Variants in ADAM9 observed in about 807,000 individuals in gnomAD.
ADAM9 encodes disintegrin and metalloproteinase domain-containing protein 9.
ADAM9 carries 54 observed loss-of-function variants against 108.1 expected under a neutral mutation model. The ratio of observed to expected loss-of-function variants is 0.50; its 90% CI spans 0.40 to 0.63. The LOEUF (loss-of-function observed/expected upper bound fraction) is 0.63. Ranked by LOEUF, ADAM9 falls within the 20% of genes least tolerant of loss-of-function variation. The pLI is 0.00. For synonymous variants in ADAM9, 316 were observed against 336.0 expected (o/e 0.94, Z 0.65); for missense variants, 830 against 997.7 (o/e 0.83, Z 2.26).
intron 1 of ADAM9, among the ~76,000 whole-genome samples, chr8:39,000,283 C>T (rs968841134): frequency 1.3e-5 from 2 of 152,152 alleles, no homozygotes; most frequent in Non-Finnish European, 2.9e-5. Context: ...TGAGCCACCG[C>T]GCCCCAGCCT....
chr8:39,023,148 C>T lies in ADAM9; in HGVS notation c.745-8C>T. On this transcript the variant is annotated splice_polypyrimidine_tract_variant and splice_region_variant and intron_variant, in intron 8 of 21. Coordinates refer to ENST00000487273, the MANE Select transcript of ADAM9 (RefSeq NM_003816.3). ...ATATTTTATATACTTTTATTTCTTTCTTCCCAGATGTATATTATGTTAAAT... is the reference window on the plus strand; with the variant it reads ...ATATTTTATATACTTTTATTTCTTTTTTCCCAGATGTATATTATGTTAAAT... 6.2e-7 allele frequency: 1 copy of T among 1,606,118 alleles called. No homozygotes were observed. Among genetic ancestry groups the T allele is most frequent in the Non-Finnish European group, 8.5e-7 (1 of 1,173,954 alleles).
chr8:39,014,378 T>G (rs1836457153), intron 4 of ADAM9: 3 of 551,336 alleles, frequency 5.4e-6, no homozygotes, highest in Non-Finnish European at 6.4e-6. Context: ...TCTCTAAAAG[T>G]GCACTTATTA....
At chr8:38,999,230 A>C (rs1835922986) in intron 1 of ADAM9, among the ~76,000 whole-genome samples, 1 of 152,170 alleles carries the variant, frequency 6.6e-6, no homozygotes. Flanking sequence ...CAGTTACATT[A>C]GGAGTTAATT....
At chr8:39,028,579 T>G (rs1245115463) in intron 11 of ADAM9, among the ~76,000 whole-genome samples, 1 of 152,132 alleles carries the variant, frequency 6.6e-6, no homozygotes, top group Non-Finnish European at 1.5e-5. Context: ...TATGAAACAG[T>G]GCCATAGTGG....
At chr8:39,039,661 C>G (rs997051473) in intron 11 of ADAM9, among the ~76,000 whole-genome samples, 19 of 152,060 alleles carry the variant, frequency 1.2e-4, no homozygotes, top group African/African-American at 3.6e-4. Flanking sequence ...CTTTTTCTGT[C>G]TGGCTTGCTT....
chr8:38,997,487 G>A (rs939838318), intron 1 of ADAM9, among the ~76,000 whole-genome samples: 1 of 152,218 alleles, frequency 6.6e-6, no homozygotes, highest in African/African-American at 2.4e-5. Flanking sequence ...CTCTGGGGCG[G>A]GCGCTGACCT....
At chr8:39,066,449 T>C (rs554821128) in intron 14 of ADAM9, among the ~76,000 whole-genome samples, 5 of 152,366 alleles carry the variant, frequency 3.3e-5, no homozygotes, top group Admixed American at 3.3e-4. Context: ...CCATTCTAAA[T>C]GGCGTGAGAT....
chr8:39,003,574 AG>A (rs1468351267), intron 1 of ADAM9, among the ~76,000 whole-genome samples: 2 of 152,104 alleles, frequency 1.3e-5, no homozygotes, highest in Non-Finnish European at 2.9e-5. Flanking sequence ...CCTAGAGATA[AG>A]AAAGGAATTT....
At chr8:39,032,509 T>C (rs2129435104) in intron 11 of ADAM9, among the ~76,000 whole-genome samples, 1 of 152,396 alleles carries the variant, frequency 6.6e-6, no homozygotes, top group Admixed American at 6.5e-5. Flanking sequence ...GTGTGCTGTT[T>C]GCTAAGACCA....
intron 11 of ADAM9, among the ~76,000 whole-genome samples, chr8:39,032,398 C>T (rs963958239): frequency 2.0e-5 from 3 of 152,278 alleles, no homozygotes; most frequent in African/African-American, 7.2e-5. Flanking sequence ...CTCCCCCTGC[C>T]AGGCTGCTGC....
chr8:39,079,480 T>C (rs1838952175), intron 16 of ADAM9, among the ~76,000 whole-genome samples: 1 of 152,208 alleles, frequency 6.6e-6, no homozygotes, highest in East Asian at 1.9e-4. Flanking sequence ...TCTTTTTCTA[T>C]TAGCTTGCCA....
At chr8:39,004,789 T>G (rs1048529935) in intron 1 of ADAM9, among the ~76,000 whole-genome samples, 1 of 152,198 alleles carries the variant, frequency 6.6e-6, no homozygotes, top group Non-Finnish European at 1.5e-5. Context: ...TAAACTGTCA[T>G]GGTGCTGGTG....
intron 11 of ADAM9, among the ~76,000 whole-genome samples, chr8:39,033,003 A>G (rs190108851): frequency 1.1e-3 from 170 of 152,344 alleles, no homozygotes; most frequent in African/African-American, 3.9e-3. Context: ...CATTGAATGT[A>G]TAGATCAAGT....
intron 12 of ADAM9, among the ~76,000 whole-genome samples, chr8:39,047,139 A>G (rs544275372): frequency 4.5e-4 from 68 of 152,318 alleles, no homozygotes; most frequent in Non-Finnish European, 6.2e-4. Context: ...TTTATACCCA[A>G]GGATAAATTC....
chr8:39,099,506 C>T (rs1401097629), intron 20 of ADAM9, among the ~76,000 whole-genome samples: 1 of 152,118 alleles, frequency 6.6e-6, no homozygotes, highest in Non-Finnish European at 1.5e-5. Flanking sequence ...TTTTTAATAA[C>T]CGCATGCTGT....
chr8:39,020,101 C>T lies in ADAM9; in HGVS notation c.672+1183C>T, dbSNP rs948528456. On this transcript the variant is annotated intron_variant, in intron 7 of 21. Transcript: ENST00000487273. ...GAGATTGATACCATCCTGGCTAACA[C>T]GGTGAAATCCCATCTCTCCTAAAAA... 4.6e-5 allele frequency among the ~76,000 whole-genome samples: 7 copies of T among 152,230 alleles called. No individual in the cohort carries two copies. The South Asian group carries it at 6.2e-4, about 14-fold the overall frequency.
At chr8:39,039,645 ATTTTTC>A (rs1837395386) in intron 11 of ADAM9, among the ~76,000 whole-genome samples, 2 of 151,880 alleles carry the variant, frequency 1.3e-5, no homozygotes, top group South Asian at 4.1e-4. Context: ...ATCATGCAAC[ATTTTTC>A]TTTTTCTGTC....
intron 19 of ADAM9, 80 bp downstream of exon 19, chr8:39,090,268 C>A: frequency 4.0e-6 from 5 of 1,250,058 alleles, no homozygotes; most frequent in Non-Finnish European, 4.5e-6. Context: ...CTTCCCTGGG[C>A]TCAGGTGATT....
chr8:39,095,906 A>C (rs904890486), intron 20 of ADAM9, among the ~76,000 whole-genome samples: 1 of 152,066 alleles, frequency 6.6e-6, no homozygotes, highest in Non-Finnish European at 1.5e-5. Flanking sequence ...TTTTGATGTT[A>C]CATCATTTTG....
Sources: gnomAD v4.1 joint callset for allele counts (sites outside exome capture counted in the v4.1 genomes callset) on GRCh38, gnomAD v4.1.1 for gene constraint, MANE v1.5 for transcripts, NCBI Gene and HGNC (gene_info 2026-07-23, HGNC 2026-07-21) for gene names.